The following OPRM1 variants were observed in gnomAD, a reference collection of about 807,000 sequenced individuals.
OPRM1 encodes the protein mu-type opioid receptor.
A neutral mutation model predicts 31.8 loss-of-function variants in OPRM1; 27 were observed. The ratio of observed to expected loss-of-function variants is 0.85; its 90% CI spans 0.63 to 1.17. The LOEUF (loss-of-function observed/expected upper bound fraction) is 1.17. OPRM1 is among the 50% of genes most tolerant of loss of function. The probability of loss-of-function intolerance (pLI) is 0.00; values close to 1 mark genes in which losing one functional copy is unlikely to be tolerated. For synonymous variants in OPRM1, 196 were observed against 189.9 expected (o/e 1.03, Z -0.26); for missense variants, 536 against 511.1 (o/e 1.05, Z -0.47).
At chr6:154,176,960 GA>G (rs1175400705) in intron 3 of OPRM1, among the ~76,000 whole-genome samples, 1 of 152,038 alleles carries the variant, frequency 6.6e-6, no homozygotes, top group African/African-American at 2.4e-5. Context: ...CAATGGAACA[GA>G]ACAGAAGCCT....
chr6:154,118,671 C>G lies in OPRM1; in HGVS notation c.1165-12C>G, dbSNP rs1280372606. 1 of 1,612,896 alleles carries G rather than the reference C, an allele frequency of 6.2e-7. No individual in the cohort carries two copies. The highest frequency in any genetic ancestry group is 8.5e-7 in the Non-Finnish European group (1 of 1,179,258). On this transcript the variant is annotated splice_polypyrimidine_tract_variant and intron_variant, in intron 3 of 3. Transcript: ENST00000330432. The stretch of plus-strand genomic sequence containing the variant: ...GAAATGTTCACTGTCTTTGCTCTTT[C>G]TCTCCTTTCAGCTAGAAAATCTGGA...
intron 3 of OPRM1, among the ~76,000 whole-genome samples, chr6:154,240,383 A>C (rs1780483549): frequency 6.6e-6 from 1 of 152,192 alleles, no homozygotes; most frequent in Admixed American, 6.5e-5. Flanking sequence ...AATTCCTATA[A>C]AATTTTTTTG....
chr6:154,032,216 T>G (rs546770709), intron 1 of OPRM1, among the ~76,000 whole-genome samples: 1 of 152,236 alleles, frequency 6.6e-6, no homozygotes, highest in South Asian at 2.1e-4. Flanking sequence ...TAACAAAAAT[T>G]TATATGATGC....
At chr6:154,058,744 A>ATCATCACTGACTTTTACTGAAAAAAAG (rs1274581645) in intron 1 of OPRM1, among the ~76,000 whole-genome samples, 1 of 152,170 alleles carries the variant, frequency 6.6e-6, no homozygotes, top group African/African-American at 2.4e-5. Flanking sequence ...CATTATCATC[A>ATCATCACTGACTTTTACTGAAAAAAAG]TCATCACTGA....
At chr6:154,014,020 G>A (rs183463750) in intron 1 of OPRM1, among the ~76,000 whole-genome samples, 105 of 152,264 alleles carry the variant, frequency 6.9e-4, no homozygotes, top group Non-Finnish European at 1.1e-3. Flanking sequence ...TAGAGACAAG[G>A]AAGGGTAAGA....
intron 3 of OPRM1, among the ~76,000 whole-genome samples, chr6:154,098,511 T>C (rs1793797591): frequency 6.6e-6 from 1 of 152,232 alleles, no homozygotes; most frequent in Admixed American, 6.5e-5. Flanking sequence ...AAAAGGTGCA[T>C]ATTTTTCTCT....
At chr6:154,018,168 C>T (rs1171756013) in intron 1 of OPRM1, among the ~76,000 whole-genome samples, 5 of 152,094 alleles carry the variant, frequency 3.3e-5, no homozygotes, top group Non-Finnish European at 7.3e-5. Context: ...CCTGTAATCC[C>T]AGCACTTTGG....
chr6:154,148,810 G>A (rs1798421840), intron 3 of OPRM1, among the ~76,000 whole-genome samples: 1 of 152,190 alleles, frequency 6.6e-6, no homozygotes. Flanking sequence ...CATAAGTGAG[G>A]CTGTAGGGCA....
At chr6:154,067,900 C>G (rs563563499) in intron 1 of OPRM1, among the ~76,000 whole-genome samples, 1 of 152,104 alleles carries the variant, frequency 6.6e-6, no homozygotes, top group East Asian at 1.9e-4. Flanking sequence ...CACTTGTAAA[C>G]TTTTTTTATT....
Position 154,171,861 on chromosome 6 carries a change from A to T in OPRM1, c.1165-74832A>T, listed in dbSNP as rs537308594. ...AATTTTACATGTCCTTTTACTTTTT[A>T]AAAAAATACAGCTAACAAGGTAGAA... On this transcript the variant is annotated intron_variant, in intron 3 of 3. Coordinates refer to the OPRM1 transcript ENST00000337049. Among the ~76,000 whole-genome samples, 12 of 152,308 alleles carry T rather than the reference A, an allele frequency of 7.9e-5. No individual in the cohort carries two copies. The South Asian group carries it at 1.5e-3, about 18-fold the overall frequency.
chr6:154,242,055 T>C (rs993533041), intron 3 of OPRM1, among the ~76,000 whole-genome samples: 2 of 152,174 alleles, frequency 1.3e-5, no homozygotes, highest in African/African-American at 4.8e-5. Context: ...CCTTGAAAAA[T>C]GGGAATAATA....
At chr6:154,065,243 G>A (rs937975110) in intron 1 of OPRM1, among the ~76,000 whole-genome samples, 6 of 150,166 alleles carry the variant, frequency 4.0e-5, no homozygotes, top group Middle Eastern at 3.4e-3. Context: ...TCCACCTCCC[G>A]GGTTTAAGTG....
At chr6:154,109,087 A>G (rs1796025253) in intron 3 of OPRM1, 7 of 960,224 alleles carry the variant, frequency 7.3e-6, no homozygotes, top group Non-Finnish European at 8.7e-6. Flanking sequence ...GCCTCACTCT[A>G]ATAGACAATA....
rs1362485465 is a variant in OPRM1 at position 154,100,223 on chromosome 6, C to T, written c.1164+8751C>T. 1.2e-4 allele frequency among the ~76,000 whole-genome samples: 17 copies of T among 142,832 alleles called. 4 individuals carry two copies. Among genetic ancestry groups the T allele is most frequent in the Non-Finnish European group, 2.4e-4 (16 of 65,848 alleles). The allele number at this position is 142,832 out of a possible 152,430, so 93.7% of individuals were successfully genotyped here. ...TATATATTATCATATTATGACATATCGTAATATATATTATCATATTATGAC... is the reference window on the plus strand; with the variant it reads ...TATATATTATCATATTATGACATATTGTAATATATATTATCATATTATGAC... On this transcript the variant is annotated intron_variant, in intron 3 of 3. Coordinates refer to ENST00000330432, the MANE Select transcript of OPRM1 (RefSeq NM_000914.5).
At chr6:154,101,526 A>G (rs889337505) in intron 3 of OPRM1, among the ~76,000 whole-genome samples, 5 of 152,216 alleles carry the variant, frequency 3.3e-5, no homozygotes, top group African/African-American at 1.2e-4. Context: ...TATGACAAAT[A>G]GACTTTCAAA....
chr6:154,207,490 T>C (rs1777598494), intron 3 of OPRM1, among the ~76,000 whole-genome samples: 1 of 152,266 alleles, frequency 6.6e-6, no homozygotes, highest in South Asian at 2.1e-4. Flanking sequence ...GTTCAAGATA[T>C]GTCTTGTTAA....
chr6:154,152,268 AAAAAG>A (rs1485778071), intron 3 of OPRM1, among the ~76,000 whole-genome samples: 3 of 133,660 alleles, frequency 2.2e-5, no homozygotes, highest in South Asian at 2.1e-4. Flanking sequence ...AGAAAGAAAG[AAAAAG>A]AAAAGGAAAG....
chr6:154,023,304 C>T (rs1017456787), intron 1 of OPRM1, among the ~76,000 whole-genome samples: 5 of 151,922 alleles, frequency 3.3e-5, no homozygotes, highest in Non-Finnish European at 7.4e-5. Context: ...TTTAATTTTA[C>T]TTGTGGCTAT....
At chr6:154,235,363 T>A (rs1173790627) in intron 3 of OPRM1, among the ~76,000 whole-genome samples, 1 of 152,012 alleles carries the variant, frequency 6.6e-6, no homozygotes, top group Non-Finnish European at 1.5e-5. Flanking sequence ...AAAACCCGTC[T>A]CTACTAAAAA....
Sources: gnomAD v4.1 joint callset for allele counts (sites outside exome capture counted in the v4.1 genomes callset) on GRCh38, gnomAD v4.1.1 for gene constraint, MANE v1.5 for transcripts, NCBI Gene and HGNC (gene_info 2026-07-23, HGNC 2026-07-21) for gene names.